Variants in MEIS2 observed in about 807,000 individuals in gnomAD.
MEIS2 encodes the protein homeobox protein Meis2.
MEIS2 carries 9 observed loss-of-function variants against 58.6 expected under a neutral mutation model. That is an observed-to-expected ratio of 0.15 (90% CI 0.09 to 0.27). The LOEUF (loss-of-function observed/expected upper bound fraction) is 0.27. Among genes scored for constraint, MEIS2 ranks in the 10% least tolerant of loss-of-function variants. The pLI is 1.00. For missense variants in MEIS2, 427 were observed against 635.0 expected, an observed-to-expected ratio of 0.67 and a Z score of 3.52; for synonymous variants, 221 against 228.4, an observed-to-expected ratio of 0.97 and a Z score of 0.29.
At chr15:36,929,191 C>G (rs2057869289) in intron 9 of MEIS2, among the ~76,000 whole-genome samples, 1 of 152,144 alleles carries the variant, frequency 6.6e-6, no homozygotes, top group Admixed American at 6.5e-5. Context: ...TAAGAAATCT[C>G]TCAACTTAAA....
At chr15:37,063,818 T>C (rs1399969532) in intron 7 of MEIS2, among the ~76,000 whole-genome samples, 7 of 152,168 alleles carry the variant, frequency 4.6e-5, no homozygotes, top group Non-Finnish European at 8.8e-5. Flanking sequence ...CATTAGCTTT[T>C]CTCCTTCCTA....
chr15:36,918,889 C>T (rs118034075), intron 9 of MEIS2, among the ~76,000 whole-genome samples: 2,728 of 152,298 alleles, frequency 0.018, 39 homozygotes, highest in Middle Eastern at 0.054. Context: ...TGCAATTTCT[C>T]AGCTACATGA....
chr15:36,976,234 A>G (rs867068564), intron 8 of MEIS2, among the ~76,000 whole-genome samples: 3 of 151,618 alleles, frequency 2.0e-5, no homozygotes, highest in Non-Finnish European at 2.9e-5. Flanking sequence ...ACAGGCGGCC[A>G]CCACCATGCC....
chr15:36,943,640 C>T (rs1793944444), intron 9 of MEIS2, among the ~76,000 whole-genome samples: 1 of 152,094 alleles, frequency 6.6e-6, no homozygotes, highest in East Asian at 1.9e-4. Context: ...TAGCACTGTA[C>T]TTTCCTCTAA....
intron 8 of MEIS2, among the ~76,000 whole-genome samples, chr15:36,966,542 G>A (rs1218812294): frequency 6.6e-6 from 1 of 152,100 alleles, no homozygotes; most frequent in African/African-American, 2.4e-5. Context: ...CCCAGGACTT[G>A]AGTTCTTCGT....
intron 8 of MEIS2, among the ~76,000 whole-genome samples, chr15:36,964,286 C>T (rs1187895955): frequency 6.6e-6 from 1 of 152,170 alleles, no homozygotes; most frequent in Non-Finnish European, 1.5e-5. Context: ...TGTCCAGCTT[C>T]TTAGGAAAAA....
chr15:36,995,533 A>G (rs2060445315), intron 8 of MEIS2, among the ~76,000 whole-genome samples: 1 of 151,510 alleles, frequency 6.6e-6, no homozygotes, highest in African/African-American at 2.4e-5. Flanking sequence ...AGATTTAAAA[A>G]TTAATTGATC....
chr15:37,005,600 G>T (rs920103866), intron 8 of MEIS2, among the ~76,000 whole-genome samples: 3 of 152,028 alleles, frequency 2.0e-5, no homozygotes, highest in Admixed American at 2.0e-4. Context: ...GTCTCCCTCT[G>T]TCAACCAGGC....
chr15:36,944,513 T>A (rs1339385822), intron 9 of MEIS2, among the ~76,000 whole-genome samples: 1 of 152,058 alleles, frequency 6.6e-6, no homozygotes, highest in Non-Finnish European at 1.5e-5. Context: ...TTCACACCCC[T>A]TGGCATCTCT....
intron 4 of MEIS2, 60 bp from the exon 5 acceptor site, chr15:37,094,637 G>A (rs1029349943): frequency 6.7e-7 from 1 of 1,490,060 alleles, no homozygotes. Flanking sequence ...CCTGTCTTGG[G>A]GTTGGGAGTG....
At chr15:37,089,085 G>A (rs541780376) in intron 6 of MEIS2, among the ~76,000 whole-genome samples, 4 of 150,592 alleles carry the variant, frequency 2.7e-5, no homozygotes, top group African/African-American at 4.9e-5. Flanking sequence ...CAGAAACCAC[G>A]CAGCAGCAAC....
chr15:37,014,845 GTTT>G (rs35727022), intron 8 of MEIS2, among the ~76,000 whole-genome samples: 7 of 140,014 alleles, frequency 5.0e-5, no homozygotes, highest in Non-Finnish European at 1.1e-4. Flanking sequence ...AGGTCTAAGG[GTTT>G]TTTTTTTTTT....
intron 7 of MEIS2, among the ~76,000 whole-genome samples, chr15:37,076,312 A>T: frequency 6.6e-6 from 1 of 152,072 alleles, no homozygotes; most frequent in East Asian, 1.9e-4. Context: ...GAAGCAAAGT[A>T]AAGACAATGA....
At chr15:37,002,868 T>C (rs2060783729) in intron 8 of MEIS2, among the ~76,000 whole-genome samples, 1 of 152,216 alleles carries the variant, frequency 6.6e-6, no homozygotes, top group African/African-American at 2.4e-5. Flanking sequence ...TTATTTGCTT[T>C]CAATTGGAAG....
Position 37,006,141 on chromosome 15 carries a change from T to G in MEIS2, c.900+30673A>C, listed in dbSNP as rs531921796. Among the ~76,000 whole-genome samples, 5 of 152,350 alleles carry G rather than the reference T, an allele frequency of 3.3e-5. No individual in the cohort carries two copies. In the East Asian group the frequency reaches 9.6e-4, roughly 29 times the overall value. On this transcript the variant is annotated intron_variant, in intron 8 of 11. Transcript: ENST00000561208. ...TTGCCTGTGCATAATACACATTTTT[T>G]TTGCACTATTTGGACCACTGATTTT...
At chr15:36,967,279 T>C (rs1260941074) in intron 8 of MEIS2, among the ~76,000 whole-genome samples, 4 of 152,156 alleles carry the variant, frequency 2.6e-5, no homozygotes, top group Non-Finnish European at 5.9e-5. Context: ...ATTTTCCTGT[T>C]GGTGGGTCTT....
chr15:37,098,212 G>A lies in MEIS2; in HGVS notation c.13-13C>T, dbSNP rs747223140. ...GCAGCTCATCGTACTGTCAGAACCC[G>A]GGAAGGGGGAGGGGGCGCAGGAGGT... On this transcript the variant is annotated splice_polypyrimidine_tract_variant and intron_variant, in intron 1 of 11. Coordinates refer to ENST00000561208, the MANE Select transcript of MEIS2 (RefSeq NM_170675.5). 1.5e-5 allele frequency: 23 copies of A among 1,575,898 alleles called. 1 individual carries two copies. The South Asian group carries it at 2.7e-4, about 18-fold the overall frequency.
At chr15:37,042,708 C>T (rs973445752) in intron 7 of MEIS2, among the ~76,000 whole-genome samples, 1 of 152,340 alleles carries the variant, frequency 6.6e-6, no homozygotes, top group African/African-American at 2.4e-5. Flanking sequence ...CTGAGCTAGA[C>T]CTGGTCCAAG....
intron 8 of MEIS2, among the ~76,000 whole-genome samples, chr15:36,992,807 C>A: frequency 1.3e-5 from 2 of 150,074 alleles, no homozygotes; most frequent in East Asian, 2.0e-4. Flanking sequence ...AGAAGGGGGG[C>A]GATGAGAGGA....
Sources: allele counts gnomAD v4.1 joint callset (sites outside exome capture counted in the v4.1 genomes callset), GRCh38; gene constraint gnomAD v4.1.1; transcripts MANE v1.5; gene names NCBI Gene and HGNC (gene_info 2026-07-23, HGNC 2026-07-21).